The following FLT3 variants were observed in gnomAD, a reference collection of about 807,000 sequenced individuals.
FLT3 encodes the protein receptor-type tyrosine-protein kinase FLT3.
FLT3 carries 46 observed loss-of-function variants against 126.6 expected under a neutral mutation model. The observed-to-expected ratio is 0.36, with a 90% CI of 0.29 to 0.46. The LOEUF is 0.46. FLT3 is among the 20% of genes least tolerant of loss of function. FLT3 has a pLI of 1.00. For missense variants in FLT3, 1,069 were observed against 1,190.3 expected (o/e 0.90, Z 1.50); for synonymous variants, 404 against 434.4 (o/e 0.93, Z 0.87).
chr13:28,008,791 T>C (rs796395535), intron 23 of FLT3, among the ~76,000 whole-genome samples: 62 of 152,218 alleles, frequency 4.1e-4, no homozygotes, highest in African/African-American at 1.4e-3. Context: ...TTTTTAATTT[T>C]GGTATATAAA....
intron 15 of FLT3, among the ~76,000 whole-genome samples, chr13:28,029,234 T>C (rs1724077720): frequency 6.6e-6 from 1 of 152,088 alleles, no homozygotes; most frequent in African/African-American, 2.4e-5. Flanking sequence ...CTACTAAACA[T>C]ACAAAAAATT....
At position 28,100,379 on chromosome 13, in the gene FLT3, G is replaced by C; in HGVS notation, c.43+89C>G. The C allele has an allele frequency of 1.1e-6, 1 of 931,536 alleles. No homozygotes were observed. The highest frequency in any genetic ancestry group is 1.4e-6 in the Non-Finnish European group (1 of 718,920). The allele number at this position is 931,536 out of a possible 1,614,324, so 57.7% of individuals were successfully genotyped here. A position where few individuals can be genotyped will look rare whatever the true frequency, so the allele number is the denominator to read the frequency against. On this transcript the variant is annotated intron_variant, in intron 1 of 23. Transcript: ENST00000241453. The surrounding 1 kb of genome is among the most constrained non-coding windows in gnomAD (Gnocchi z 4.8). The stretch of plus-strand genomic sequence containing the variant: ...GAGCGCGGGGAGGAGCGAGGCGGCT[G>C]GGCCGGAGGAGGCGCGCGCCCGGGT...
At chr13:28,074,198 T>C (rs1403662843) in intron 1 of FLT3, among the ~76,000 whole-genome samples, 1 of 152,134 alleles carries the variant, frequency 6.6e-6, no homozygotes, top group African/African-American at 2.4e-5. Flanking sequence ...GCCTCTTTCA[T>C]TGTGCATTTT....
chr13:28,074,076 C>A (rs1422752098), intron 1 of FLT3, among the ~76,000 whole-genome samples: 2 of 152,166 alleles, frequency 1.3e-5, no homozygotes, highest in Non-Finnish European at 2.9e-5. Flanking sequence ...CCCCCACACC[C>A]AAGCCACCTC....
At position 28,084,290 on chromosome 13, in the gene FLT3, C is replaced by T. The variant is rs950409081; in HGVS notation, c.44-13678G>A. On this transcript the variant is annotated intron_variant, in intron 1 of 23. Transcript: ENST00000241453. ...TTACATGCGCAAGCTACTGTACTGG[C>T]CTCTTTCTGTTATTAATTTTAATTA... Among the ~76,000 whole-genome samples, 3 of 151,802 alleles carry T rather than the reference C, an allele frequency of 2.0e-5. No individual in the cohort carries two copies. The East Asian group carries it at 5.8e-4, about 29-fold the overall frequency.
At chr13:28,018,434 C>G (rs368721559) in intron 20 of FLT3, 33 bp downstream of exon 20, 1 of 1,610,976 alleles carries the variant, frequency 6.2e-7, no homozygotes, top group Non-Finnish European at 8.5e-7. Flanking sequence ...ACAAAATAGC[C>G]GTATAAAAAT....
intron 19 of FLT3, among the ~76,000 whole-genome samples, chr13:28,020,051 T>G (rs1872244101): frequency 6.6e-6 from 1 of 152,188 alleles, no homozygotes; most frequent in Non-Finnish European, 1.5e-5. Context: ...CACGCTCTAC[T>G]TGGTTGCTCA....
intron 19 of FLT3, among the ~76,000 whole-genome samples, chr13:28,020,266 A>G (rs1232050956): frequency 2.6e-5 from 4 of 152,186 alleles, no homozygotes; most frequent in Non-Finnish European, 4.4e-5. Flanking sequence ...TCTGCTGTGC[A>G]GATCCCTCCC....
chr13:28,068,752 T>G (rs1877252627), intron 2 of FLT3, among the ~76,000 whole-genome samples: 1 of 152,076 alleles, frequency 6.6e-6, no homozygotes, highest in East Asian at 1.9e-4. Context: ...TGTTGTTGTA[T>G]TTTTGATAGA....
At chr13:28,066,496 C>A (rs968983951) in intron 2 of FLT3, among the ~76,000 whole-genome samples, 2 of 151,932 alleles carry the variant, frequency 1.3e-5, no homozygotes, top group African/African-American at 4.8e-5. Flanking sequence ...TAAGGAAGGG[C>A]TTGGAAAAAG....
At chr13:28,082,010 C>A (rs1878357067) in intron 1 of FLT3, among the ~76,000 whole-genome samples, 1 of 151,634 alleles carries the variant, frequency 6.6e-6, no homozygotes, top group South Asian at 2.1e-4. Context: ...TGCCCACCAT[C>A]ATGCCCGGCT....
Position 28,069,012 on chromosome 13 carries a change from G to GTTT in FLT3, c.165+1478_165+1479insAAA, listed in dbSNP as rs1566095664. Among the ~76,000 whole-genome samples the GTTT allele has an allele frequency of 6.8e-3, 1,043 of 152,332 alleles. 10 individuals carry two copies. The highest frequency in any genetic ancestry group is 0.024 in the African/African-American group (991 of 41,572). On this transcript the variant is annotated intron_variant, in intron 2 of 23. Coordinates refer to ENST00000241453, the MANE Select transcript of FLT3 (RefSeq NM_004119.3). The stretch of plus-strand genomic sequence containing the variant: ...AAAACAAGACGAACAGCGTAAAAGA[G>GTTT]AGGAGTCATGAAAAACAAAGTCGGA...
At chr13:28,015,797 A>G (rs1302887821) in intron 20 of FLT3, 96 bp from the exon 21 acceptor site, 6 of 746,770 alleles carry the variant, frequency 8.0e-6, no homozygotes, top group Non-Finnish European at 1.4e-5. Context: ...CATCTTCCTA[A>G]GACCACTCTT....
At chr13:28,053,397 G>GATATATATATATATATATGTATATATAT (rs1875723816) in intron 4 of FLT3, among the ~76,000 whole-genome samples, 1 of 134,882 alleles carries the variant, frequency 7.4e-6, no homozygotes, top group African/African-American at 3.1e-5. Context: ...TGTACTGTTT[G>GATATATATATATATATATGTATATATAT]ATATATATAT....
Position 28,094,242 on chromosome 13 carries a change from T to C in FLT3, c.43+6226A>G, listed in dbSNP as rs781712587. Among the ~76,000 whole-genome samples, 46 of 152,260 alleles carry C rather than the reference T, an allele frequency of 3.0e-4. 1 individual carries two copies. The highest frequency in any genetic ancestry group is 2.6e-4 in the Admixed American group (4 of 15,288). ...TATCAAACATTAGGAAAAGCATAAC[T>C]CAAATAACAAAATATTCCAAGACCG... On this transcript the variant is annotated intron_variant, in intron 1 of 23. Transcript: ENST00000241453.
At chr13:28,028,070 G>A (rs1468431241) in intron 16 of FLT3, 108 bp downstream of exon 16, 5 of 670,064 alleles carry the variant, frequency 7.5e-6, no homozygotes, top group African/African-American at 5.6e-5. Context: ...CTGTGACTGA[G>A]AAAAGACAAA....
chr13:28,029,699 A>G (rs1873143408), intron 15 of FLT3, among the ~76,000 whole-genome samples: 1 of 152,226 alleles, frequency 6.6e-6, no homozygotes, highest in East Asian at 1.9e-4. Context: ...TAGATTTGCC[A>G]GCAAGTCCAA....
chr13:28,058,891 G>A (rs761419943), intron 3 of FLT3, among the ~76,000 whole-genome samples: 10 of 152,186 alleles, frequency 6.6e-5, no homozygotes, highest in East Asian at 1.9e-4. Context: ...GTCTGCAGTC[G>A]CAGAAGTTTG....
At chr13:28,005,896 C>T (rs1345312417) in intron 23 of FLT3, among the ~76,000 whole-genome samples, 1 of 152,048 alleles carries the variant, frequency 6.6e-6, no homozygotes, top group Non-Finnish European at 1.5e-5. Flanking sequence ...GGGCCTTTTT[C>T]CTATACTTTA....
Sources: gnomAD v4.1 joint callset for allele counts (sites outside exome capture counted in the v4.1 genomes callset) on GRCh38, gnomAD v4.1.1 for gene constraint, Gnocchi (gnomAD v3.1) non-coding constraint, MANE v1.5 for transcripts, NCBI Gene and HGNC (gene_info 2026-07-23, HGNC 2026-07-21) for gene names.